ATP10A: variants seen among roughly 807,000 people sequenced by gnomAD.
ATP10A encodes ATPase phospholipid transporting 10A (putative).
A neutral mutation model predicts 147.8 loss-of-function variants in ATP10A; 111 were observed. The ratio of observed to expected loss-of-function variants is 0.75; its 90% CI spans 0.64 to 0.88. ATP10A has a LOEUF of 0.88. Among genes scored for constraint, ATP10A ranks in the 40% least tolerant of loss-of-function variants. The pLI is 0.00. For missense variants in ATP10A, 1,927 were observed against 1,959.0 expected, an observed-to-expected ratio of 0.98 and a Z score of 0.31; for synonymous variants, 875 against 841.6, an observed-to-expected ratio of 1.04 and a Z score of -0.69.
At chr15:25,849,833 T>C (rs1255322432) in intron 1 of ATP10A, among the ~76,000 whole-genome samples, 1 of 150,076 alleles carries the variant, frequency 6.7e-6, no homozygotes, top group Admixed American at 6.6e-5. Context: ...TTAAAAGCAA[T>C]GATTTTCTTT....
At chr15:25,688,157 G>A (rs961638741) in intron 15 of ATP10A, among the ~76,000 whole-genome samples, 2 of 152,224 alleles carry the variant, frequency 1.3e-5, no homozygotes, top group African/African-American at 4.8e-5. Flanking sequence ...GAGATACATG[G>A]TGTTTATCTG....
At chr15:25,718,488 G>C in intron 7 of ATP10A, 89 bp from the exon 8 acceptor site, 2 of 1,351,532 alleles carry the variant, frequency 1.5e-6, no homozygotes, top group East Asian at 5.1e-5. Context: ...GGTTCCGCGA[G>C]GCTTCCGGCA....
chr15:25,798,930 T>A (rs1450285075), intron 1 of ATP10A, among the ~76,000 whole-genome samples: 1 of 151,904 alleles, frequency 6.6e-6, no homozygotes, highest in Non-Finnish European at 1.5e-5. Flanking sequence ...TTACTCTGTG[T>A]CCCCTATAGA....
chr15:25,855,911 A>C (rs1824962404), intron 1 of ATP10A, among the ~76,000 whole-genome samples: 1 of 152,144 alleles, frequency 6.6e-6, no homozygotes, highest in South Asian at 2.1e-4. Flanking sequence ...TTAATGGAAA[A>C]CTGTTTAGAT....
intron 1 of ATP10A, among the ~76,000 whole-genome samples, chr15:25,816,075 T>G (rs1444738220): frequency 6.6e-6 from 1 of 151,208 alleles, no homozygotes; most frequent in Non-Finnish European, 1.5e-5. Flanking sequence ...TTAAGAATAT[T>G]TTTTAAAGTG....
At chr15:25,784,342 T>C (rs1428152699) in intron 1 of ATP10A, among the ~76,000 whole-genome samples, 3 of 152,166 alleles carry the variant, frequency 2.0e-5, no homozygotes, top group South Asian at 2.1e-4. Context: ...CAAGGCACTG[T>C]CTCTGTTCAG....
chr15:25,786,087 G>A (rs917537660), intron 1 of ATP10A, among the ~76,000 whole-genome samples: 2 of 152,242 alleles, frequency 1.3e-5, no homozygotes, highest in African/African-American at 4.8e-5. Flanking sequence ...GGGAGAAGGA[G>A]AGCTGAGGGC....
At chr15:25,854,978 G>T (rs1416773690) in intron 1 of ATP10A, among the ~76,000 whole-genome samples, 1 of 150,794 alleles carries the variant, frequency 6.6e-6, no homozygotes, top group Non-Finnish European at 1.5e-5. Flanking sequence ...AGAATCGCTT[G>T]AACCTGGGAG....
intron 5 of ATP10A, among the ~76,000 whole-genome samples, chr15:25,724,341 A>G (rs1902420185): frequency 1.3e-5 from 2 of 152,216 alleles, no homozygotes; most frequent in Non-Finnish European, 2.9e-5. Context: ...GAATTTCTTA[A>G]CACGCATCTC....
intron 1 of ATP10A, among the ~76,000 whole-genome samples, chr15:25,787,026 A>G (rs1001640890): frequency 1.3e-5 from 2 of 151,980 alleles, no homozygotes; most frequent in Non-Finnish European, 2.9e-5. Context: ...AGAACATTTC[A>G]CAGTCTCTCT....
intron 13 of ATP10A, among the ~76,000 whole-genome samples, chr15:25,699,944 A>G (rs1010083361): frequency 6.6e-6 from 1 of 152,168 alleles, no homozygotes; most frequent in Non-Finnish European, 1.5e-5. Flanking sequence ...GTGAAAGACA[A>G]TATTAAAAAA....
chr15:25,811,249 G>A (rs1891417400), intron 1 of ATP10A, among the ~76,000 whole-genome samples: 1 of 152,190 alleles, frequency 6.6e-6, no homozygotes, highest in Non-Finnish European at 1.5e-5. Context: ...GACTTCCCTG[G>A]ACTCCAGCAG....
intron 1 of ATP10A, among the ~76,000 whole-genome samples, chr15:25,846,101 C>A (rs1176729954): frequency 6.6e-6 from 1 of 152,110 alleles, no homozygotes. Flanking sequence ...ACACCCAGGG[C>A]AGTCCACTTC....
downstream of ATP10A, among the ~76,000 whole-genome samples, chr15:25,672,612 A>C (rs1481723796): frequency 1.3e-5 from 2 of 152,142 alleles, no homozygotes; most frequent in Non-Finnish European, 2.9e-5. Flanking sequence ...AGCAGTGCAC[A>C]GGGCTCTGGA....
intron 5 of ATP10A, among the ~76,000 whole-genome samples, chr15:25,724,889 A>G (rs1425210331): frequency 6.6e-6 from 1 of 152,244 alleles, no homozygotes; most frequent in African/African-American, 2.4e-5. Flanking sequence ...GAAAAAAATT[A>G]TATCTGTGTG....
At chr15:25,751,662 G>C (rs1888161630) in intron 2 of ATP10A, among the ~76,000 whole-genome samples, 1 of 152,012 alleles carries the variant, frequency 6.6e-6, no homozygotes, top group Non-Finnish European at 1.5e-5. Flanking sequence ...AAACTTAAAA[G>C]CTCCTGCACA....
chr15:25,829,744 C>T (rs1018812723), intron 1 of ATP10A, among the ~76,000 whole-genome samples: 5 of 152,080 alleles, frequency 3.3e-5, no homozygotes, highest in South Asian at 4.1e-4. Context: ...CTCTAAGGCA[C>T]GGCTCGCTCT....
intron 17 of ATP10A, 83 bp from the exon 18 acceptor site, chr15:25,681,157 T>G: frequency 7.2e-7 from 1 of 1,398,520 alleles, no homozygotes; most frequent in East Asian, 2.4e-5. Context: ...ATGGAGTCAC[T>G]TGTGTTAAAA....
chr15:25,723,476 T>G (rs559382204), intron 6 of ATP10A, among the ~76,000 whole-genome samples: 4 of 152,038 alleles, frequency 2.6e-5, no homozygotes, highest in African/African-American at 7.2e-5. Context: ...GCATGGAAAC[T>G]CTCTGTAAAA....
Sources: gnomAD v4.1 joint callset for allele counts (sites outside exome capture counted in the v4.1 genomes callset) on GRCh38, gnomAD v4.1.1 for gene constraint, MANE v1.5 for transcripts, NCBI Gene and HGNC (gene_info 2026-07-23, HGNC 2026-07-21) for gene names.